Variants in CADM2 observed in about 807,000 individuals in gnomAD.
The protein encoded by CADM2 is cell adhesion molecule 2, also known as immunoglobulin superfamily member 4D.
A neutral mutation model predicts 49.8 loss-of-function variants in CADM2; 12 were observed. The observed-to-expected ratio is 0.24, with a 90% confidence interval of 0.15 to 0.39. CADM2 has a LOEUF of 0.39. Among genes scored for constraint, CADM2 ranks in the 10% least tolerant of loss-of-function variants. The probability of loss-of-function intolerance (pLI) is 1.00; values close to 1 mark genes in which losing one functional copy is unlikely to be tolerated. For missense variants in CADM2, 378 were observed against 492.3 expected, an observed-to-expected ratio of 0.77 and a Z score of 2.20; for synonymous variants, 214 against 175.4, an observed-to-expected ratio of 1.22 and a Z score of -1.74.
At chr3:86,003,165 G>A (rs562837661) in intron 8 of CADM2, among the ~76,000 whole-genome samples, 94 of 152,210 alleles carry the variant, frequency 6.2e-4, no homozygotes, top group African/African-American at 2.2e-3. Flanking sequence ...AATGGCAAAT[G>A]AGTGCCACGT....
At chr3:85,146,224 C>G (rs1475232343) in intron 1 of CADM2, among the ~76,000 whole-genome samples, 1 of 152,070 alleles carries the variant, frequency 6.6e-6, no homozygotes, top group Non-Finnish European at 1.5e-5. Context: ...CCCAAATAAC[C>G]AAATAATGAT....
chr3:85,663,219 G>A (rs2065464092), intron 1 of CADM2, among the ~76,000 whole-genome samples: 1 of 151,950 alleles, frequency 6.6e-6, no homozygotes, highest in Non-Finnish European at 1.5e-5. Context: ...ACTTTTTAGA[G>A]TTGTGGTGAA....
chr3:85,390,923 G>T (rs2034486844), intron 1 of CADM2, among the ~76,000 whole-genome samples: 1 of 152,024 alleles, frequency 6.6e-6, no homozygotes, highest in African/African-American at 2.4e-5. Flanking sequence ...CTACTCACTT[G>T]TATTCATGTG....
chr3:85,494,396 T>C (rs2039799388), intron 1 of CADM2, among the ~76,000 whole-genome samples: 1 of 152,182 alleles, frequency 6.6e-6, no homozygotes, highest in South Asian at 2.1e-4. Context: ...GTCTTCATAT[T>C]AACAACAAAT....
rs372014228 is a variant in CADM2, at chr3:85,794,736, G to A, written c.89-7311G>A. ...TGTATATTAAAAATCCTTGTAGATG[G>A]TAAACAAGATCCATACTGTACCATC... On this transcript the variant is annotated intron_variant, in intron 2 of 9. Transcript: ENST00000383699. 2.2e-4 allele frequency among the ~76,000 whole-genome samples: 34 copies of A among 152,048 alleles called. No individual in the cohort carries two copies. In the East Asian group the frequency reaches 4.1e-3, roughly 18 times the overall value.
intron 1 of CADM2, among the ~76,000 whole-genome samples, chr3:84,982,131 A>G (rs139459735): frequency 0.011 from 1,609 of 152,286 alleles, 15 homozygotes; most frequent in Non-Finnish European, 0.017. Context: ...TGACTTTTGA[A>G]TAGTGTGGAT....
rs1553743643 is a variant in CADM2, at chr3:85,568,473, C to CTTTCTTTCTTCCTTTCTT, written c.62-158048_62-158047insTTCTTTCTTCCTTTCTTT. On this transcript the variant is annotated intron_variant, in intron 1 of 9. Coordinates refer to ENST00000383699, the MANE Select transcript of CADM2 (RefSeq NM_001167675.2). ...TTTCTTTCTTTCTTTCTCTTTCTCT[C>CTTTCTTTCTTCCTTTCTT]TCTTTCTTTCTTTCTTTCTTTCTTT... Among the ~76,000 whole-genome samples the CTTTCTTTCTTCCTTTCTT allele has an allele frequency of 2.9e-4, 8 of 27,618 alleles. 1 individual carries two copies. Among genetic ancestry groups the CTTTCTTTCTTCCTTTCTT allele is most frequent in the African/African-American group, 6.2e-4 (8 of 12,950 alleles). The allele number at this position is 27,618 out of a possible 152,430, so 18.1% of individuals were successfully genotyped here. A position where few individuals can be genotyped will look rare whatever the true frequency, so the allele number is the denominator to read the frequency against.
At chr3:85,642,815 C>T (rs924114115) in intron 1 of CADM2, among the ~76,000 whole-genome samples, 2 of 152,122 alleles carry the variant, frequency 1.3e-5, no homozygotes, top group African/African-American at 4.8e-5. Context: ...ATGACAAAGA[C>T]AGAAGAAACC....
intron 1 of CADM2, among the ~76,000 whole-genome samples, chr3:85,250,842 GTTTA>G (rs1484970182): frequency 1.3e-5 from 2 of 151,632 alleles, no homozygotes; most frequent in Admixed American, 1.3e-4. Flanking sequence ...ATAGGAAGAT[GTTTA>G]TTTAATATAT....
rs533418181 is a variant in CADM2 at position 85,967,396 on chromosome 3, G to A, written c.970+5749G>A. The stretch of plus-strand genomic sequence containing the variant: ...GCAAAATATAAATTCATTTCCTTTA[G>A]AGTTGTCAGTACTTGACCCTAAATT... On this transcript the variant is annotated intron_variant, in intron 8 of 9. Coordinates refer to ENST00000383699, the MANE Select transcript of CADM2 (RefSeq NM_001167675.2). Among the ~76,000 whole-genome samples, 10 of 151,542 alleles carry A rather than the reference G, an allele frequency of 6.6e-5. No individual in the cohort carries two copies. The South Asian group carries it at 1.2e-3, about 19-fold the overall frequency.
chr3:85,503,008 G>GT (rs1222511254), intron 1 of CADM2, among the ~76,000 whole-genome samples: 1 of 151,968 alleles, frequency 6.6e-6, no homozygotes, highest in African/African-American at 2.4e-5. Flanking sequence ...GTTCTATAAG[G>GT]TATCCAGCTT....
chr3:85,290,198 G>A (rs540362051), intron 1 of CADM2, among the ~76,000 whole-genome samples: 29 of 152,116 alleles, frequency 1.9e-4, no homozygotes, highest in Non-Finnish European at 3.1e-4. Flanking sequence ...GGAAAATCGG[G>A]TCACTCCCAC....
chr3:85,420,760 C>T (rs932528395), intron 1 of CADM2, among the ~76,000 whole-genome samples: 3 of 152,060 alleles, frequency 2.0e-5, no homozygotes, highest in Admixed American at 6.6e-5. Context: ...ATTAAAGATA[C>T]GGTTAAATAT....
At chr3:85,601,815 A>G (rs1406621787) in intron 1 of CADM2, among the ~76,000 whole-genome samples, 1 of 151,400 alleles carries the variant, frequency 6.6e-6, no homozygotes, top group Non-Finnish European at 1.5e-5. Context: ...ATATTACTTC[A>G]TATTCTCTTC....
chr3:85,086,361 C>T (rs945933092), intron 1 of CADM2, among the ~76,000 whole-genome samples: 2 of 151,676 alleles, frequency 1.3e-5, no homozygotes, highest in Non-Finnish European at 2.9e-5. Flanking sequence ...GATTCCATGC[C>T]TCTCCCTGTC....
At chr3:85,619,211 TATAATC>T (rs1309697460) in intron 1 of CADM2, among the ~76,000 whole-genome samples, 3 of 152,066 alleles carry the variant, frequency 2.0e-5, no homozygotes, top group East Asian at 1.9e-4. Context: ...TAGATGAACA[TATAATC>T]ATAATTTCAG....
At chr3:85,637,447 A>C (rs998967187) in intron 1 of CADM2, among the ~76,000 whole-genome samples, 1 of 146,628 alleles carries the variant, frequency 6.8e-6, no homozygotes, top group Non-Finnish European at 1.5e-5. Context: ...CTAAAAATAT[A>C]AAAAATTAGC....
intron 1 of CADM2, among the ~76,000 whole-genome samples, chr3:85,346,102 A>G (rs994890549): frequency 5.9e-5 from 9 of 152,210 alleles, no homozygotes; most frequent in African/African-American, 1.9e-4. Context: ...ATAAGTATTC[A>G]TAACATCAGT....
At chr3:86,008,130 T>G (rs6785190) in intron 8 of CADM2, among the ~76,000 whole-genome samples, 42,146 of 152,044 alleles carry the variant, frequency 0.28, 6,905 homozygotes, top group African/African-American at 0.46. Flanking sequence ...AATCAATTTT[T>G]TTTTCCAAAG....
Sources: gnomAD v4.1 joint callset for allele counts (sites outside exome capture counted in the v4.1 genomes callset) on GRCh38, gnomAD v4.1.1 for gene constraint, MANE v1.5 for transcripts, NCBI Gene and HGNC (gene_info 2026-07-23, HGNC 2026-07-21) for gene names.